DOCK7: variants seen among roughly 807,000 people sequenced by gnomAD.
The protein encoded by DOCK7 is dedicator of cytokinesis protein 7.
A neutral mutation model predicts 271.0 loss-of-function variants in DOCK7; 138 were observed. The ratio of observed to expected loss-of-function variants is 0.51; its 90% CI spans 0.44 to 0.59. DOCK7 has a LOEUF of 0.59. Among genes scored for constraint, DOCK7 ranks in the 20% least tolerant of loss-of-function variants. The pLI, the probability that DOCK7 is intolerant of heterozygous loss-of-function variation, is 0.00. For missense variants in DOCK7, 2,066 were observed against 2,592.4 expected, an observed-to-expected ratio of 0.80 and a Z score of 4.41; for synonymous variants, 823 against 876.1, an observed-to-expected ratio of 0.94 and a Z score of 1.07.
chr1:62,524,334 C>T (rs562284128), intron 31 of DOCK7, among the ~76,000 whole-genome samples: 5 of 152,250 alleles, frequency 3.3e-5, no homozygotes, highest in South Asian at 4.2e-4. Flanking sequence ...GATTAAGATA[C>T]CCACAGTCTA....
At chr1:62,598,457 G>A (rs1365889689) in intron 14 of DOCK7, among the ~76,000 whole-genome samples, 2 of 151,894 alleles carry the variant, frequency 1.3e-5, no homozygotes, top group Non-Finnish European at 2.9e-5. Context: ...AAAATATGCT[G>A]GGCTTTTTCT....
intron 47 of DOCK7, 113 bp downstream of exon 47, chr1:62,475,095 G>A: frequency 8.4e-7 from 1 of 1,192,902 alleles, no homozygotes; most frequent in East Asian, 2.8e-5. Flanking sequence ...GAAAAATACA[G>A]GCAGTAGAGA....
At chr1:62,665,185 C>T (rs898337360) in intron 1 of DOCK7, among the ~76,000 whole-genome samples, 5 of 152,020 alleles carry the variant, frequency 3.3e-5, no homozygotes, top group Admixed American at 2.6e-4. Flanking sequence ...GACGGGGCTT[C>T]GCCATGTTGA....
chr1:62,536,872 C>T (rs1010617542), intron 28 of DOCK7, among the ~76,000 whole-genome samples: 1 of 152,160 alleles, frequency 6.6e-6, no homozygotes, highest in Non-Finnish European at 1.5e-5. Context: ...TTCTCTGATA[C>T]TAAAACCACA....
intron 14 of DOCK7, among the ~76,000 whole-genome samples, chr1:62,599,778 CATTCAACAATGTA>C (rs1649833840): frequency 6.6e-6 from 1 of 151,852 alleles, no homozygotes; most frequent in African/African-American, 2.4e-5. Flanking sequence ...TAAAGGTCAA[CATTCAACAATGTA>C]ATTAATCTAC....
intron 48 of DOCK7, among the ~76,000 whole-genome samples, chr1:62,472,248 G>A (rs1645852954): frequency 6.6e-6 from 1 of 152,014 alleles, no homozygotes; most frequent in African/African-American, 2.4e-5. Flanking sequence ...GGGATTACAT[G>A]CGCCCACCAC....
At chr1:62,480,749 C>A (rs1461522247) in intron 43 of DOCK7, among the ~76,000 whole-genome samples, 6 of 152,212 alleles carry the variant, frequency 3.9e-5, no homozygotes, top group African/African-American at 1.4e-4. Context: ...TGGCTCATGC[C>A]TGTAATCCCA....
rs1646377691 is a variant in DOCK7, at chr1:62,488,952, G to C, written c.5475C>G (p.Phe1825Leu). ...TCATTACCTGATGAACAATTTTGCT[G>C]AATGCTTCTTGAAGTTTACCATGAA... The part of the protein sequence containing the change: ...STIHGKLQEA[F>L]SKIVHQSTGW... The change falls in exon 42 of 50, where the codon TTC becomes TTG. Residue 1825 changes from phenylalanine to leucine, a missense_variant. Around this residue, in one of 2 missense-constraint regions of DOCK7, gnomAD observed 652 missense variants for 922.1 expected, o/e 0.71. Transcript: ENST00000635253. The C allele has an allele frequency of 1.2e-6, 2 of 1,613,560 alleles. No individual in the cohort carries two copies. The highest frequency in any genetic ancestry group is 2.7e-5 in the African/African-American group (2 of 74,896).
chr1:62,643,439 T>C (rs889169323), intron 7 of DOCK7, among the ~76,000 whole-genome samples: 5 of 152,236 alleles, frequency 3.3e-5, no homozygotes, highest in African/African-American at 1.2e-4. Context: ...ACACTGAAGA[T>C]AACACTCAAT....
intron 46 of DOCK7, 62 bp from the exon 47 acceptor site, chr1:62,475,413 G>A: frequency 1.3e-6 from 2 of 1,501,416 alleles, no homozygotes; most frequent in Non-Finnish European, 1.8e-6. Flanking sequence ...TGAACTTTAT[G>A]TATAATCAAC....
chr1:62,679,138 T>A (rs957303076), intron 1 of DOCK7, among the ~76,000 whole-genome samples: 1 of 152,002 alleles, frequency 6.6e-6, no homozygotes, highest in Admixed American at 6.5e-5. Context: ...CATACACATA[T>A]CAAGACAAGG....
intron 18 of DOCK7, among the ~76,000 whole-genome samples, chr1:62,575,038 CTT>C (rs1346523127): frequency 3.9e-5 from 6 of 151,902 alleles, no homozygotes; most frequent in African/African-American, 1.5e-4. Flanking sequence ...GCCAGAAACA[CTT>C]TCTTAAAAGA....
intron 22 of DOCK7, among the ~76,000 whole-genome samples, chr1:62,552,460 T>C (rs1645939736): frequency 6.6e-6 from 1 of 152,218 alleles, no homozygotes; most frequent in Non-Finnish European, 1.5e-5. Flanking sequence ...TAGCCATTTT[T>C]CACATGATGG....
At position 62,539,539 on chromosome 1, in the gene DOCK7, C is replaced by T; in HGVS notation, c.3300+6G>A. 1 of 1,583,652 alleles carries T rather than the reference C, an allele frequency of 6.3e-7. No individual in the cohort carries two copies. Among genetic ancestry groups the T allele is most frequent in the Non-Finnish European group, 8.6e-7 (1 of 1,160,478 alleles). On this transcript the variant is annotated splice_donor_region_variant and intron_variant, in intron 27 of 49. Coordinates refer to ENST00000635253, the MANE Select transcript of DOCK7 (RefSeq NM_001367561.1). The stretch of plus-strand genomic sequence containing the variant: ...TGATTACTAATTATTCCTAACTATG[C>T]ATTACCTGTTTATAGCAGGACTTTA...
chr1:62,553,399 CA>C (rs1646023362), intron 21 of DOCK7, among the ~76,000 whole-genome samples: 2 of 1,942 alleles, frequency 1.0e-3, no homozygotes, highest in Non-Finnish European at 2.7e-3. Flanking sequence ...AGGCAGGTGC[CA>C]TTTTTTTTTT....
At chr1:62,597,482 T>C (rs1649424812) in intron 14 of DOCK7, 8 of 1,444,576 alleles carry the variant, frequency 5.5e-6, no homozygotes, top group Non-Finnish European at 5.7e-6. Flanking sequence ...TGGGCAAATA[T>C]TGGTATATAT....
chr1:62,630,224 G>A (rs1654449688), intron 11 of DOCK7, among the ~76,000 whole-genome samples: 1 of 152,084 alleles, frequency 6.6e-6, no homozygotes, highest in Non-Finnish European at 1.5e-5. Flanking sequence ...TGGAATCAAG[G>A]CCCTTTGTTT....
intron 1 of DOCK7, among the ~76,000 whole-genome samples, chr1:62,687,036 T>A (rs1336572892): frequency 6.6e-6 from 1 of 152,022 alleles, no homozygotes; most frequent in Middle Eastern, 3.2e-3. Context: ...TGCCTCGGCC[T>A]CCCAAACTGC....
At chr1:62,572,891 A>G (rs1289421943) in intron 18 of DOCK7, among the ~76,000 whole-genome samples, 2 of 152,226 alleles carry the variant, frequency 1.3e-5, no homozygotes, top group Non-Finnish European at 2.9e-5. Flanking sequence ...TTAGAAGATT[A>G]TGCTCTATTG....
Sources: gnomAD v4.1 joint callset for allele counts (sites outside exome capture counted in the v4.1 genomes callset) on GRCh38, gnomAD v4.1.1 for gene constraint, gnomAD v4.1.1 regional missense constraint, MANE v1.5 for transcripts, NCBI Gene and HGNC (gene_info 2026-07-23, HGNC 2026-07-21) for gene names.